Variants in CFAP58 observed in about 807,000 individuals in gnomAD.
The protein encoded by CFAP58 is cilia and flagella associated protein 58.
Under a neutral mutation model 119.5 loss-of-function variants are expected in CFAP58, and 88 were observed. The observed-to-expected ratio is 0.74, with a 90% confidence interval of 0.62 to 0.88. The LOEUF (loss-of-function observed/expected upper bound fraction) is 0.88, where lower values mean the gene tolerates loss of function less well. Among genes scored for constraint, CFAP58 ranks in the 40% least tolerant of loss-of-function variants. CFAP58 has a pLI of 0.00. For missense variants in CFAP58, 990 were observed against 1,021.2 expected (o/e 0.97, Z 0.42); for synonymous variants, 365 against 366.3 (o/e 1.00, Z 0.04).
chr10:104,345,156 C>A, the CFAP58 span, among the ~76,000 whole-genome samples: 38,058 of 150,410 alleles, frequency 0.25, 5,065 homozygotes, highest in Middle Eastern at 0.3. Flanking sequence ...CAAAAAAAAA[C>A]AAAAACAAAA....
At chr10:104,354,052 T>C (rs2014506576) in intron 1 of CFAP58, 146 bp downstream of exon 1, 9 of 984,976 alleles carry the variant, frequency 9.1e-6, no homozygotes, top group African/African-American at 1.6e-5. Flanking sequence ...CCCGCGCCTT[T>C]CTCCGTTGGC....
intron 14 of CFAP58, among the ~76,000 whole-genome samples, chr10:104,406,040 T>A (rs891219983): frequency 3.9e-5 from 6 of 152,192 alleles, no homozygotes; most frequent in Non-Finnish European, 7.3e-5. Flanking sequence ...AAGGCTGCAG[T>A]GAGCCATGAT....
At chr10:104,365,730 T>G in intron 4 of CFAP58, 84 bp from the exon 5 acceptor site, 1 of 1,236,282 alleles carries the variant, frequency 8.1e-7, no homozygotes, top group Non-Finnish European at 1.1e-6. Context: ...ATCACAGACC[T>G]GAGAGAGGAG....
intron 15 of CFAP58, among the ~76,000 whole-genome samples, chr10:104,430,416 T>C (rs1318661877): frequency 2.0e-5 from 3 of 152,252 alleles, no homozygotes; most frequent in African/African-American, 7.2e-5. Context: ...GTTGTTTTCT[T>C]ATGATTTTGC....
the CFAP58 span, among the ~76,000 whole-genome samples, chr10:104,347,973 A>G: frequency 6.6e-6 from 1 of 151,988 alleles, no homozygotes; most frequent in Non-Finnish European, 1.5e-5. Context: ...TGGGCTTCAC[A>G]TGCTCAGTTC....
Position 104,380,051 on chromosome 10 carries a change from C to T in CFAP58, c.1196C>T (p.Ala399Val), listed in dbSNP as rs368633237. 3.5e-5 allele frequency: 57 copies of T among 1,613,528 alleles called. No individual in the cohort carries two copies. Among genetic ancestry groups the T allele is most frequent in the South Asian group, 2.4e-4 (22 of 91,012 alleles). ...TAGAACATGCTTAAGGCGGTCAATG[C>T]GACCCAGAAGCAGACAGACTTGGTA... ...LNKNMLKAVN[A>V]TQKQTDLVKL... The change falls in exon 9 of 18, where the codon GCG (alanine) becomes GTG (valine). Residue 399 changes from alanine (A) to valine (V), a missense_variant. Physicochemically the swap from Ala to Val is moderately conservative, Grantham distance 64. Transcript: ENST00000369704.
At chr10:104,404,658 G>A (rs975522386) in intron 14 of CFAP58, among the ~76,000 whole-genome samples, 3 of 151,780 alleles carry the variant, frequency 2.0e-5, no homozygotes, top group African/African-American at 7.3e-5. Context: ...CACCCAGGCT[G>A]GAGTGCAGTG....
At chr10:104,442,438 A>G (rs1325206065) in intron 15 of CFAP58, among the ~76,000 whole-genome samples, 1 of 152,100 alleles carries the variant, frequency 6.6e-6, no homozygotes, top group East Asian at 1.9e-4. Context: ...AAATACAAAA[A>G]TTAGCTGGGC....
At chr10:104,416,831 T>A (rs2012562107) in intron 15 of CFAP58, among the ~76,000 whole-genome samples, 1 of 152,040 alleles carries the variant, frequency 6.6e-6, no homozygotes, top group African/African-American at 2.4e-5. Context: ...GAGCATTGAG[T>A]CTTATCTTAG....
chr10:104,392,263 C>T lies in CFAP58; in HGVS notation c.1396C>T (p.Arg466Cys), dbSNP rs777981562. Reference sequence around the variant, plus strand: ...TATGAACATGGAAGACATAAAAGTTCGTGAAACACAGATTTTTGACTACAG... The same window carrying T: ...TATGAACATGGAAGACATAAAAGTTTGTGAAACACAGATTTTTGACTACAG... ...VLMNMEDIKV[R>C]ETQIFDYRKK... Residue 466 changes from arginine (R) to cysteine (C), a missense_variant, in exon 10 of 18, where the codon CGT (arginine) becomes TGT (cysteine). Coordinates refer to ENST00000369704, the MANE Select transcript of CFAP58 (RefSeq NM_001008723.2). 6.8e-6 allele frequency: 11 copies of T among 1,611,024 alleles called. No homozygotes were observed. Among genetic ancestry groups the T allele is most frequent in the Admixed American group, 3.4e-5 (2 of 59,422 alleles).
chr10:104,402,375 C>T (rs541480522), intron 13 of CFAP58, among the ~76,000 whole-genome samples: 161 of 152,322 alleles, frequency 1.1e-3, no homozygotes, highest in African/African-American at 3.2e-3. Flanking sequence ...GTTGAGTGAA[C>T]ATCATGCAGT....
intron 15 of CFAP58, among the ~76,000 whole-genome samples, chr10:104,418,961 G>A (rs565259500): frequency 1.9e-4 from 29 of 152,166 alleles, no homozygotes; most frequent in Admixed American, 5.9e-4. Flanking sequence ...CTAAAATCAA[G>A]GGGTAGAAGA....
In CFAP58 at chr10:104,406,872, A is replaced by G. The variant is rs914861597; in HGVS notation, c.2256+79A>G. 4.1e-5 allele frequency: 44 copies of G among 1,068,126 alleles called. No homozygotes were observed. In the Middle Eastern group the frequency reaches 8.4e-4, roughly 20 times the overall value. 66.2% of individuals were successfully genotyped at this position (1,068,126 alleles called of 1,614,324 possible). A position where few individuals can be genotyped will look rare whatever the true frequency, so the allele number is the denominator to read the frequency against. On this transcript the variant is annotated intron_variant, in intron 15 of 17. Transcript: ENST00000369704. ...CAGGACTACGTTCTTAGAATTAGTTATTTGGCAGCATTGCATGTCCTGTAT... is the reference window on the plus strand; with the variant it reads ...CAGGACTACGTTCTTAGAATTAGTTGTTTGGCAGCATTGCATGTCCTGTAT...
At chr10:104,374,168 C>T (rs746098064) in intron 7 of CFAP58, among the ~76,000 whole-genome samples, 3 of 151,906 alleles carry the variant, frequency 2.0e-5, no homozygotes, top group Non-Finnish European at 1.5e-5. Context: ...TTTTAAAAAT[C>T]CACAAAAGAG....
chr10:104,343,950 C>T, the CFAP58 span, among the ~76,000 whole-genome samples: 1 of 152,112 alleles, frequency 6.6e-6, no homozygotes, highest in Non-Finnish European at 1.5e-5. Flanking sequence ...AGTATGTTGC[C>T]CAGGCTGGTC....
intron 15 of CFAP58, among the ~76,000 whole-genome samples, chr10:104,438,601 C>T (rs11192054): frequency 1.3e-5 from 2 of 151,798 alleles, no homozygotes; most frequent in African/African-American, 2.4e-5. Flanking sequence ...GGTCTCGATC[C>T]CCTGACCTCA....
chr10:104,379,964 G>A, intron 8 of CFAP58, 65 bp from the exon 9 acceptor site: 2 of 1,386,836 alleles, frequency 1.4e-6, no homozygotes, highest in Non-Finnish European at 2.0e-6. Context: ...GAGGCAGAGG[G>A]TAAACTTAAC....
chr10:104,428,134 A>G (rs1234588911), intron 15 of CFAP58, among the ~76,000 whole-genome samples: 1 of 152,206 alleles, frequency 6.6e-6, no homozygotes, highest in Non-Finnish European at 1.5e-5. Context: ...CTGATTTTGC[A>G]ATGTAACTCA....
At chr10:104,398,060 T>C (rs2012195853) in intron 11 of CFAP58, among the ~76,000 whole-genome samples, 1 of 152,244 alleles carries the variant, frequency 6.6e-6, no homozygotes, top group South Asian at 2.1e-4. Context: ...GCCTGACTGT[T>C]GAATGCCCTG....
Sources: gnomAD v4.1 joint callset for allele counts (sites outside exome capture counted in the v4.1 genomes callset) on GRCh38, gnomAD v4.1.1 for gene constraint, MANE v1.5 for transcripts, NCBI Gene and HGNC (gene_info 2026-07-23, HGNC 2026-07-21) for gene names.